The following REEP5 variants were observed in gnomAD, a reference collection of about 807,000 sequenced individuals.
REEP5 encodes receptor accessory protein 5, also known as receptor expression-enhancing protein 5.
A neutral mutation model predicts 22.4 loss-of-function variants in REEP5; 24 were observed. That is an observed-to-expected ratio of 1.07 (90% CI 0.78 to 1.51). REEP5 has a LOEUF of 1.51. Among genes scored for constraint, REEP5 ranks in the 40% most tolerant of loss-of-function variants. The probability of loss-of-function intolerance (pLI) is 0.00; values close to 1 mark genes in which losing one functional copy is unlikely to be tolerated. For missense variants in REEP5, 252 were observed against 233.0 expected, an observed-to-expected ratio of 1.08 and a Z score of -0.53; for synonymous variants, 103 against 88.6, an observed-to-expected ratio of 1.16 and a Z score of -0.92.
At chr5:112,900,693 C>T (rs1307591186) in intron 3 of REEP5, among the ~76,000 whole-genome samples, 23 of 152,032 alleles carry the variant, frequency 1.5e-4, no homozygotes, top group Non-Finnish European at 1.5e-5. Context: ...CCCCCCACTC[C>T]TAGGACTCAT....
At chr5:112,900,315 T>C (rs1768812643) in intron 3 of REEP5, among the ~76,000 whole-genome samples, 1 of 152,234 alleles carries the variant, frequency 6.6e-6, no homozygotes, top group Non-Finnish European at 1.5e-5. Context: ...CACTGTCATA[T>C]AGAAATTTAA....
rs1768857435 is a variant in REEP5 at position 112,901,918 on chromosome 5, A to G, written c.351+462T>C. Reference sequence around the variant, plus strand: ...GTGGAGGTTGCAGTGAGCCAAGATCATGCCACTGCACTCTAGCCTGGGCGA... The same window carrying G: ...GTGGAGGTTGCAGTGAGCCAAGATCGTGCCACTGCACTCTAGCCTGGGCGA... On this transcript the variant is annotated intron_variant, in intron 3 of 4. Transcript: ENST00000379638. Among the ~76,000 whole-genome samples, 4 of 150,042 alleles carry G rather than the reference A, an allele frequency of 2.7e-5. No individual in the cohort carries two copies. In the South Asian group the frequency reaches 8.5e-4, roughly 32 times the overall value.
intron 2 of REEP5, among the ~76,000 whole-genome samples, chr5:112,907,667 A>G (rs2150045870): frequency 6.6e-6 from 1 of 152,362 alleles, no homozygotes; most frequent in African/African-American, 2.4e-5. Context: ...TACATTTTAT[A>G]TAGACAAAAT....
At chr5:112,879,508 C>G (rs981634745) in intron 4 of REEP5, among the ~76,000 whole-genome samples, 3 of 152,198 alleles carry the variant, frequency 2.0e-5, no homozygotes, top group Admixed American at 1.3e-4. Context: ...GAGTCTCGCT[C>G]TGTCACCCAG....
intron 3 of REEP5, among the ~76,000 whole-genome samples, chr5:112,889,821 A>G (rs1369940543): frequency 7.8e-6 from 1 of 128,016 alleles, no homozygotes; most frequent in African/African-American, 3.7e-5. Context: ...ATCTCTAGGA[A>G]AAAAAAAATT....
At chr5:112,902,227 T>G (rs1420303704) in intron 3 of REEP5, among the ~76,000 whole-genome samples, 153 bp downstream of exon 3, 1 of 152,092 alleles carries the variant, frequency 6.6e-6, no homozygotes, top group East Asian at 1.9e-4. Flanking sequence ...TGTTTTTGTT[T>G]TTTTTGAGAC....
intron 2 of REEP5, among the ~76,000 whole-genome samples, chr5:112,918,091 A>C (rs1328444702): frequency 1.3e-5 from 2 of 152,204 alleles, no homozygotes; most frequent in Non-Finnish European, 2.9e-5. Context: ...TAAGGAGATT[A>C]AGGTAATTAT....
chr5:112,889,429 TTAAGGCAAAA>T (rs1254152556), intron 3 of REEP5, among the ~76,000 whole-genome samples: 1 of 150,708 alleles, frequency 6.6e-6, no homozygotes, highest in East Asian at 2.0e-4. Flanking sequence ...TACAAATTAC[TTAAGGCAAAA>T]TAAGTAAATA....
intron 3 of REEP5, among the ~76,000 whole-genome samples, chr5:112,888,001 T>C (rs1042959099): frequency 4.6e-5 from 7 of 152,216 alleles, no homozygotes; most frequent in African/African-American, 1.7e-4. Flanking sequence ...GAAAGTTTAA[T>C]AAACAATATA....
chr5:112,906,551 C>G (rs1185252783), intron 2 of REEP5, among the ~76,000 whole-genome samples: 2 of 152,088 alleles, frequency 1.3e-5, no homozygotes, highest in Non-Finnish European at 1.5e-5. Flanking sequence ...TCTCAGTGTC[C>G]AGATCCCTGG....
At chr5:112,884,497 C>T (rs1768171197) in intron 4 of REEP5, among the ~76,000 whole-genome samples, 1 of 151,114 alleles carries the variant, frequency 6.6e-6, no homozygotes, top group South Asian at 2.1e-4. Context: ...CCTGCCTCAG[C>T]CTCCTGAGTA....
At chr5:112,892,737 C>A in intron 3 of REEP5, 1 of 1,613,882 alleles carries the variant, frequency 6.2e-7, no homozygotes, top group Non-Finnish European at 8.5e-7. Context: ...GCAAGAACTC[C>A]GAGAGGAGGG....
At chr5:112,914,395 G>A (rs915062655) in intron 2 of REEP5, among the ~76,000 whole-genome samples, 1 of 151,628 alleles carries the variant, frequency 6.6e-6, no homozygotes, top group Non-Finnish European at 1.5e-5. Context: ...GACTACAGGC[G>A]TGTACTAATT....
chr5:112,904,537 G>C (rs1384479779), intron 2 of REEP5, among the ~76,000 whole-genome samples: 2 of 152,088 alleles, frequency 1.3e-5, no homozygotes, highest in Non-Finnish European at 2.9e-5. Flanking sequence ...GACACACCTG[G>C]GAATTAAACA....
At chr5:112,883,626 T>C (rs1768143202) in intron 4 of REEP5, among the ~76,000 whole-genome samples, 1 of 152,220 alleles carries the variant, frequency 6.6e-6, no homozygotes, top group African/African-American at 2.4e-5. Flanking sequence ...GCTTAATATG[T>C]ATAAGCTTGT....
chr5:112,879,679 T>A (rs1768010674), intron 4 of REEP5, among the ~76,000 whole-genome samples: 1 of 152,008 alleles, frequency 6.6e-6, no homozygotes, highest in Admixed American at 6.5e-5. Flanking sequence ...GGTTTCACTG[T>A]GTTAGCCAGG....
intron 4 of REEP5, among the ~76,000 whole-genome samples, chr5:112,879,513 A>G (rs1358902245): frequency 6.6e-6 from 1 of 152,028 alleles, no homozygotes; most frequent in Admixed American, 6.6e-5. Flanking sequence ...TCGCTCTGTC[A>G]CCCAGCCTGG....
chr5:112,889,998 TG>T (rs1300959432), intron 3 of REEP5, among the ~76,000 whole-genome samples: 1 of 150,434 alleles, frequency 6.6e-6, no homozygotes, highest in East Asian at 2.0e-4. Context: ...AGCTAATTTT[TG>T]TATTTTTAGT....
At chr5:112,893,055 T>C (rs1424453006) in intron 3 of REEP5, 5 of 1,353,256 alleles carry the variant, frequency 3.7e-6, no homozygotes, top group South Asian at 1.2e-5. Flanking sequence ...GAGACAGAAC[T>C]GTTCAGAGTC....
Sources: gnomAD v4.1 joint callset for allele counts (sites outside exome capture counted in the v4.1 genomes callset) on GRCh38, gnomAD v4.1.1 for gene constraint, MANE v1.5 for transcripts, NCBI Gene and HGNC (gene_info 2026-07-23, HGNC 2026-07-21) for gene names.